Variants in UBE2E2 observed in about 807,000 individuals in gnomAD.
UBE2E2 encodes the protein ubiquitin-conjugating enzyme E2 E2.
Under a neutral mutation model 24.7 loss-of-function variants are expected in UBE2E2, and 6 were observed. The ratio of observed to expected loss-of-function variants is 0.24; its 90% CI spans 0.13 to 0.48. The LOEUF is 0.48. UBE2E2 is among the 20% of genes least tolerant of loss of function. The pLI is 0.99. For synonymous variants in UBE2E2, 104 were observed against 83.6 expected (o/e 1.24, Z -1.33); for missense variants, 169 against 245.0 (o/e 0.69, Z 2.07).
intron 3 of UBE2E2, among the ~76,000 whole-genome samples, chr3:23,356,599 T>C (rs934975705): frequency 6.6e-6 from 1 of 152,188 alleles, no homozygotes. Context: ...CTTCTCATCT[T>C]TCTTTTATGT....
intron 3 of UBE2E2, among the ~76,000 whole-genome samples, chr3:23,359,357 C>T (rs888375595): frequency 1.3e-5 from 2 of 152,182 alleles, no homozygotes; most frequent in African/African-American, 4.8e-5. Flanking sequence ...CCTTCATAAG[C>T]AGTGAGGACT....
Position 23,280,736 on chromosome 3 carries a change from A to G in UBE2E2, c.227+63424A>G, listed in dbSNP as rs1698474363. 6.6e-6 allele frequency among the ~76,000 whole-genome samples: 1 copy of G among 152,178 alleles called. No homozygotes were observed. The highest frequency in any genetic ancestry group is 1.5e-5 in the Non-Finnish European group (1 of 68,044). On this transcript the variant is annotated intron_variant, in intron 3 of 5. Coordinates refer to ENST00000396703, the MANE Select transcript of UBE2E2 (RefSeq NM_152653.4). This position sits in a 1 kb window ranked among gnomAD's most constrained non-coding sequence, Gnocchi z 4.3. ...TTGACTAAAGGAATGAGTACTGGAG[A>G]CTAGCCTCTATGTTTCTTACTCACT...
At chr3:23,497,321 TGAGA>T (rs1559402910) in intron 3 of UBE2E2, among the ~76,000 whole-genome samples, 1 of 152,196 alleles carries the variant, frequency 6.6e-6, no homozygotes, top group African/African-American at 2.4e-5. Flanking sequence ...ATGCGAGAAC[TGAGA>T]GAGAGCACTT....
At chr3:23,451,343 T>A (rs2125416405) in intron 3 of UBE2E2, among the ~76,000 whole-genome samples, 1 of 152,292 alleles carries the variant, frequency 6.6e-6, no homozygotes, top group South Asian at 2.1e-4. Flanking sequence ...GTAATAGAGG[T>A]AGTACTTACC....
intron 3 of UBE2E2, among the ~76,000 whole-genome samples, chr3:23,419,207 A>G (rs1473564892): frequency 1.3e-5 from 2 of 152,154 alleles, no homozygotes; most frequent in Non-Finnish European, 2.9e-5. Flanking sequence ...GGCCTCAAGC[A>G]GTTATCCTGC....
Position 23,248,542 on chromosome 3 carries a change from G to T in UBE2E2, c.227+31230G>T, listed in dbSNP as rs371047869. ...ATTAGAACCGCCTTTAGAATTTTTAGTGGAAGCGTTAGATCACATGCATTT... is the reference window on the plus strand; with the variant it reads ...ATTAGAACCGCCTTTAGAATTTTTATTGGAAGCGTTAGATCACATGCATTT... On this transcript the variant is annotated intron_variant, in intron 3 of 5. Coordinates refer to ENST00000396703, the MANE Select transcript of UBE2E2 (RefSeq NM_152653.4). Among the ~76,000 whole-genome samples, 11 of 152,336 alleles carry T rather than the reference G, an allele frequency of 7.2e-5. 1 individual carries two copies. In the South Asian group the frequency reaches 2.3e-3, roughly 32 times the overall value.
intron 3 of UBE2E2, among the ~76,000 whole-genome samples, chr3:23,463,530 G>A (rs1698856662): frequency 6.6e-6 from 1 of 152,074 alleles, no homozygotes; most frequent in South Asian, 2.1e-4. Context: ...CATTTAGCCT[G>A]TGGGACCCTC....
At chr3:23,359,923 G>A (rs1252684369) in intron 3 of UBE2E2, among the ~76,000 whole-genome samples, 1 of 152,118 alleles carries the variant, frequency 6.6e-6, no homozygotes. Flanking sequence ...GAATTGTTAA[G>A]GGTATGGAGA....
At chr3:23,392,651 A>G (rs1373889234) in intron 3 of UBE2E2, among the ~76,000 whole-genome samples, 1 of 152,222 alleles carries the variant, frequency 6.6e-6, no homozygotes, top group East Asian at 1.9e-4. Context: ...TACCTAGTTA[A>G]TTAAATAAAC....
intron 3 of UBE2E2, among the ~76,000 whole-genome samples, chr3:23,493,844 A>G (rs1035512143): frequency 1.3e-5 from 2 of 152,086 alleles, no homozygotes; most frequent in Non-Finnish European, 2.9e-5. Context: ...AAAGCAGTCA[A>G]CCTCTTTGAG....
intron 3 of UBE2E2, among the ~76,000 whole-genome samples, chr3:23,319,008 G>A (rs2125286904): frequency 6.6e-6 from 1 of 152,272 alleles, no homozygotes; most frequent in Non-Finnish European, 1.5e-5. Flanking sequence ...CATGAGGAAG[G>A]AGAATGTTGT....
At chr3:23,413,941 G>T (rs888168927) in intron 3 of UBE2E2, among the ~76,000 whole-genome samples, 1 of 152,150 alleles carries the variant, frequency 6.6e-6, no homozygotes, top group East Asian at 1.9e-4. Context: ...CTATATATCT[G>T]TATATCTTGG....
At chr3:23,304,958 G>C (rs1230852598) in intron 3 of UBE2E2, among the ~76,000 whole-genome samples, 1 of 151,726 alleles carries the variant, frequency 6.6e-6, no homozygotes, top group Non-Finnish European at 1.5e-5. Context: ...GGAAATTATT[G>C]GCTCTCTGAA....
chr3:23,286,395 A>G (rs893455309), intron 3 of UBE2E2, among the ~76,000 whole-genome samples: 3 of 152,276 alleles, frequency 2.0e-5, no homozygotes, highest in Non-Finnish European at 2.9e-5. Flanking sequence ...AGAACCATTT[A>G]TTGAAGAGAC....
intron 3 of UBE2E2, among the ~76,000 whole-genome samples, chr3:23,309,084 A>G (rs868500073): frequency 3.3e-5 from 5 of 152,198 alleles, no homozygotes; most frequent in African/African-American, 1.2e-4. Context: ...GGCATGGGCA[A>G]CTGTTCTAGT....
At chr3:23,242,345 G>A (rs1006886373) in intron 3 of UBE2E2, among the ~76,000 whole-genome samples, 4 of 151,630 alleles carry the variant, frequency 2.6e-5, no homozygotes, top group Non-Finnish European at 5.9e-5. Flanking sequence ...TTCAGGTGAG[G>A]TGTGAGTCAC....
At chr3:23,240,737 A>G (rs553133453) in intron 3 of UBE2E2, among the ~76,000 whole-genome samples, 3 of 152,338 alleles carry the variant, frequency 2.0e-5, no homozygotes, top group South Asian at 4.1e-4. Flanking sequence ...TGGATAGCTT[A>G]AGTATTTTCT....
chr3:23,568,703 A>G (rs1020784255), intron 5 of UBE2E2, among the ~76,000 whole-genome samples: 58 of 140,322 alleles, frequency 4.1e-4, no homozygotes, highest in Middle Eastern at 3.7e-3. Flanking sequence ...ACACATATAT[A>G]TATACATGTA....
chr3:23,345,667 T>G (rs1178229265), intron 3 of UBE2E2, among the ~76,000 whole-genome samples: 3 of 152,174 alleles, frequency 2.0e-5, no homozygotes, highest in Non-Finnish European at 2.9e-5. Context: ...GTTATAGACA[T>G]TAAATTACAG....
Sources: allele counts gnomAD v4.1 joint callset (sites outside exome capture counted in the v4.1 genomes callset), GRCh38; gene constraint gnomAD v4.1.1; non-coding constraint Gnocchi (gnomAD v3.1); transcripts MANE v1.5; gene names NCBI Gene and HGNC (gene_info 2026-07-23, HGNC 2026-07-21).